OPRM1: variants seen among roughly 807,000 people sequenced by gnomAD.
OPRM1 encodes mu-type opioid receptor.
A neutral mutation model predicts 31.8 loss-of-function variants in OPRM1; 27 were observed. The observed-to-expected ratio is 0.85, with a 90% confidence interval of 0.63 to 1.17. The LOEUF is 1.17. Ranked by LOEUF, OPRM1 falls within the 50% of genes most tolerant of loss-of-function variation. The probability of loss-of-function intolerance (pLI) is 0.00; values close to 1 mark genes in which losing one functional copy is unlikely to be tolerated. For missense variants in OPRM1, 536 were observed against 511.1 expected (o/e 1.05, Z -0.47); for synonymous variants, 196 against 189.9 (o/e 1.03, Z -0.26).
At chr6:154,169,696 G>A (rs907372220) in intron 3 of OPRM1, among the ~76,000 whole-genome samples, 4 of 152,054 alleles carry the variant, frequency 2.6e-5, no homozygotes, top group Non-Finnish European at 4.4e-5. Flanking sequence ...TGCCAGCCTC[G>A]GCCCACATGA....
chr6:154,143,487 A>G (rs1454669657), intron 3 of OPRM1, among the ~76,000 whole-genome samples: 1 of 152,252 alleles, frequency 6.6e-6, no homozygotes, highest in Non-Finnish European at 1.5e-5. Flanking sequence ...GACAGGAAGC[A>G]AAGAGTAACA....
At chr6:154,149,284 G>A (rs1442044226) in intron 3 of OPRM1, among the ~76,000 whole-genome samples, 2 of 152,118 alleles carry the variant, frequency 1.3e-5, no homozygotes, top group African/African-American at 4.8e-5. Flanking sequence ...AGGAGAGTGG[G>A]AAAGTCTCTT....
chr6:154,092,299 C>G (rs1208894902), intron 3 of OPRM1, among the ~76,000 whole-genome samples: 1 of 152,024 alleles, frequency 6.6e-6, no homozygotes, highest in African/African-American at 2.4e-5. Context: ...CTTGATTAAG[C>G]CACTGGTTGG....
chr6:154,176,423 C>A (rs1800336848), intron 3 of OPRM1, among the ~76,000 whole-genome samples: 1 of 152,010 alleles, frequency 6.6e-6, no homozygotes. Flanking sequence ...TTTAGAAAAC[C>A]CCATCATCTC....
intron 3 of OPRM1, among the ~76,000 whole-genome samples, chr6:154,139,133 G>T (rs942723574): frequency 1.8e-4 from 27 of 152,126 alleles, no homozygotes; most frequent in Non-Finnish European, 2.4e-4. Context: ...CTGACCTCTG[G>T]CTTGGCCAGC....
chr6:154,093,372 G>A (rs1305997393), intron 3 of OPRM1: 1 of 1,614,120 alleles, frequency 6.2e-7, no homozygotes, highest in Non-Finnish European at 8.5e-7. Flanking sequence ...TGACCTCCCA[G>A]CTATCCTTCA....
intron 3 of OPRM1, chr6:154,155,092 A>G (rs1798658950): frequency 6.6e-6 from 1 of 152,196 alleles, no homozygotes. Context: ...CATGTGGGAA[A>G]GAACTGAGAT....
At chr6:154,049,838 G>T (rs1317729319) in intron 1 of OPRM1, among the ~76,000 whole-genome samples, 1 of 152,090 alleles carries the variant, frequency 6.6e-6, no homozygotes, top group Non-Finnish European at 1.5e-5. Flanking sequence ...AACCATCCTT[G>T]CATCCCAAGG....
chr6:154,171,295 A>G (rs1477456559), intron 3 of OPRM1, among the ~76,000 whole-genome samples: 1 of 152,184 alleles, frequency 6.6e-6, no homozygotes, highest in Non-Finnish European at 1.5e-5. Flanking sequence ...TAAAATAAAT[A>G]CTCAGTTGTC....
At chr6:154,231,224 AGGAGATT>A (rs563088754) in intron 3 of OPRM1, among the ~76,000 whole-genome samples, 306 of 152,344 alleles carry the variant, frequency 2.0e-3, no homozygotes, top group African/African-American at 7.2e-3. Context: ...TAAAAGTAAA[AGGAGATT>A]GAAGAAAAGT....
intron 3 of OPRM1, among the ~76,000 whole-genome samples, chr6:154,207,468 T>C (rs1244940991): frequency 6.6e-6 from 1 of 152,234 alleles, no homozygotes; most frequent in Non-Finnish European, 1.5e-5. Flanking sequence ...CAAATGACTT[T>C]GGTAGACAAC....
chr6:154,246,672 C>T, intron 3 of OPRM1: 1 of 1,614,048 alleles, frequency 6.2e-7, no homozygotes, highest in Non-Finnish European at 8.5e-7. Context: ...GGAAACTTCC[C>T]TTTTCCTTTT....
At chr6:154,078,013 A>G in intron 1 of OPRM1, among the ~76,000 whole-genome samples, 1 of 152,186 alleles carries the variant, frequency 6.6e-6, no homozygotes, top group Admixed American at 6.5e-5. Flanking sequence ...CGCAAATTTG[A>G]CCACTATAGA....
intron 3 of OPRM1, chr6:154,221,384 G>A: frequency 7.6e-7 from 1 of 1,321,118 alleles, no homozygotes; most frequent in Non-Finnish European, 1.1e-6. Context: ...GTCAACAATG[G>A]GTCTGAAAGT....
intron 3 of OPRM1, among the ~76,000 whole-genome samples, chr6:154,182,358 C>A (rs1208122175): frequency 6.6e-6 from 1 of 152,100 alleles, no homozygotes; most frequent in Non-Finnish European, 1.5e-5. Flanking sequence ...ATTGGGTGAT[C>A]TTTAATGGTT....
At chr6:154,103,312 T>C (rs1795138291) in intron 3 of OPRM1, among the ~76,000 whole-genome samples, 1 of 152,224 alleles carries the variant, frequency 6.6e-6, no homozygotes, top group South Asian at 2.1e-4. Context: ...TTTTAGAACC[T>C]GGATTAAATC....
At chr6:154,056,147 C>T (rs191047224) in intron 1 of OPRM1, among the ~76,000 whole-genome samples, 43 of 151,254 alleles carry the variant, frequency 2.8e-4, no homozygotes, top group African/African-American at 7.0e-4. Context: ...TGTTTTGAGA[C>T]GGAGTCTTGC....
chr6:154,237,474 C>T (rs571169040), intron 3 of OPRM1, among the ~76,000 whole-genome samples: 2 of 152,334 alleles, frequency 1.3e-5, no homozygotes, highest in East Asian at 3.9e-4. Flanking sequence ...GCACAATTCT[C>T]CTGCATCCTA....
rs2128554157 is a variant in OPRM1 at position 154,168,382 on chromosome 6, A to C, written c.1164+76910A>C. Among the ~76,000 whole-genome samples the C allele has an allele frequency of 6.6e-6, 1 of 152,264 alleles. No homozygotes were observed. Among genetic ancestry groups the C allele is most frequent in the African/African-American group, 2.4e-5 (1 of 41,540 alleles). ...TTCAAGTGGTTTTTTGGTTTGTGGC[A>C]GTATAACTCCAATATTCACATGGGG... On this transcript the variant is annotated intron_variant, in intron 3 of 3. Transcript: ENST00000337049. This position sits in a 1 kb window ranked among gnomAD's most constrained non-coding sequence, Gnocchi z 4.1.
Sources: allele counts gnomAD v4.1 joint callset (sites outside exome capture counted in the v4.1 genomes callset), GRCh38; gene constraint gnomAD v4.1.1; non-coding constraint Gnocchi (gnomAD v3.1); transcripts MANE v1.5; gene names NCBI Gene and HGNC (gene_info 2026-07-23, HGNC 2026-07-21).